Variants in LRRC4C observed in about 807,000 individuals in gnomAD.
LRRC4C encodes leucine rich repeat containing 4C, also known as leucine-rich repeat-containing protein 4C.
A neutral mutation model predicts 33.6 loss-of-function variants in LRRC4C; 5 were observed. That is an observed-to-expected ratio of 0.15 (90% CI 0.08 to 0.31). The LOEUF is 0.31. Ranked by LOEUF, LRRC4C falls within the 10% of genes least tolerant of loss-of-function variation. The pLI is 1.00. For synonymous variants in LRRC4C, 329 were observed against 302.0 expected, an observed-to-expected ratio of 1.09 and a Z score of -0.93; for missense variants, 560 against 796.7, an observed-to-expected ratio of 0.70 and a Z score of 3.58.
At chr11:41,454,806 A>AT (rs201473090) in intron 1 of LRRC4C, among the ~76,000 whole-genome samples, 1,590 of 152,126 alleles carry the variant, frequency 0.01, 23 homozygotes, top group African/African-American at 0.035. Context: ...TAGTTTTGGG[A>AT]TTTTTACCCC....
At chr11:41,242,688 T>C (rs879289231) in intron 1 of LRRC4C, among the ~76,000 whole-genome samples, 4 of 152,148 alleles carry the variant, frequency 2.6e-5, no homozygotes, top group African/African-American at 9.7e-5. Flanking sequence ...TATTGATATT[T>C]TTATTACTTC....
At chr11:41,063,061 A>G (rs1937914340) in intron 1 of LRRC4C, among the ~76,000 whole-genome samples, 2 of 152,214 alleles carry the variant, frequency 1.3e-5, no homozygotes, top group African/African-American at 2.4e-5. Flanking sequence ...CTAGGCAACT[A>G]ATATATAATG....
At chr11:40,142,641 AACTCT>A (rs1857449552) in intron 5 of LRRC4C, among the ~76,000 whole-genome samples, 1 of 152,120 alleles carries the variant, frequency 6.6e-6, no homozygotes, top group Non-Finnish European at 1.5e-5. Flanking sequence ...CCTCAGTGAT[AACTCT>A]ACTCAACATC....
intron 1 of LRRC4C, among the ~76,000 whole-genome samples, chr11:41,110,049 T>A (rs1380542179): frequency 6.6e-6 from 1 of 151,992 alleles, no homozygotes; most frequent in Non-Finnish European, 1.5e-5. Context: ...TTCCTGAGGT[T>A]TTTCCTCAAC....
chr11:40,484,236 A>G (rs974827789), intron 3 of LRRC4C, among the ~76,000 whole-genome samples: 1 of 152,106 alleles, frequency 6.6e-6, no homozygotes. Context: ...CCCCTCTACA[A>G]ATGTAAAATG....
chr11:40,602,161 C>CTCCA, intron 3 of LRRC4C, among the ~76,000 whole-genome samples: 1 of 143,842 alleles, frequency 7.0e-6, no homozygotes, highest in Middle Eastern at 3.9e-3. Context: ...TGCCACTGCA[C>CTCCA]TCCAGCCTGA....
At chr11:40,905,790 G>C (rs1326955924) in intron 2 of LRRC4C, among the ~76,000 whole-genome samples, 1 of 152,180 alleles carries the variant, frequency 6.6e-6, no homozygotes, top group African/African-American at 2.4e-5. Flanking sequence ...TCTTGAGATA[G>C]AATCTACTCC....
intron 3 of LRRC4C, among the ~76,000 whole-genome samples, chr11:40,387,874 T>C (rs1274651699): frequency 6.6e-6 from 1 of 152,200 alleles, no homozygotes; most frequent in African/African-American, 2.4e-5. Context: ...GCATTTTGTT[T>C]TTTAAAGGCT....
intron 1 of LRRC4C, among the ~76,000 whole-genome samples, chr11:41,085,733 A>T (rs1165555810): frequency 6.6e-6 from 1 of 152,076 alleles, no homozygotes; most frequent in East Asian, 1.9e-4. Context: ...GCAAAATATC[A>T]GTTCAAGAGA....
chr11:41,173,645 A>G (rs1945072823), intron 1 of LRRC4C, among the ~76,000 whole-genome samples: 1 of 152,074 alleles, frequency 6.6e-6, no homozygotes, highest in Admixed American at 6.6e-5. Flanking sequence ...TGCTTTCTCA[A>G]GACAGAATTC....
chr11:40,780,126 A>T (rs1022231852), intron 2 of LRRC4C, among the ~76,000 whole-genome samples: 2 of 152,148 alleles, frequency 1.3e-5, no homozygotes, highest in African/African-American at 4.8e-5. Context: ...TAAAATATTA[A>T]AAGATACACA....
rs552484002 is a variant in LRRC4C, at chr11:40,734,227, T to TG, written c.-406-85950dup. ...GAATTTACCTTAGAGTCTGAAGGGT[T>TG]GGGGAGTCTACAATTATTAAACCCC... On this transcript the variant is annotated intron_variant, in intron 2 of 6. Transcript: ENST00000528697. Among the ~76,000 whole-genome samples the TG allele has an allele frequency of 3.6e-3, 549 of 152,250 alleles. 4 individuals carry two copies. The highest frequency in any genetic ancestry group is 0.013 in the African/African-American group (527 of 41,546).
At chr11:40,907,072 TAG>T (rs1956456036) in intron 2 of LRRC4C, among the ~76,000 whole-genome samples, 1 of 152,180 alleles carries the variant, frequency 6.6e-6, no homozygotes, top group Admixed American at 6.5e-5. Context: ...CCAGCAAATA[TAG>T]AGATATGCAA....
At chr11:40,407,140 G>C (rs1476452125) in intron 3 of LRRC4C, among the ~76,000 whole-genome samples, 1 of 152,040 alleles carries the variant, frequency 6.6e-6, no homozygotes, top group Non-Finnish European at 1.5e-5. Context: ...AGATTCAAAA[G>C]ACATTTTCAT....
intron 4 of LRRC4C, among the ~76,000 whole-genome samples, chr11:40,285,191 C>A (rs1038256427): frequency 6.6e-6 from 1 of 152,090 alleles, no homozygotes; most frequent in African/African-American, 2.4e-5. Context: ...TCTCAAAAAA[C>A]CCCCAGCTTA....
intron 3 of LRRC4C, among the ~76,000 whole-genome samples, chr11:40,432,356 C>T (rs1247457622): frequency 1.3e-5 from 2 of 152,182 alleles, no homozygotes; most frequent in Admixed American, 1.3e-4. Context: ...GTACTGGTTA[C>T]TCACAGTATA....
At chr11:40,377,641 G>A (rs545741175) in intron 3 of LRRC4C, among the ~76,000 whole-genome samples, 23 of 152,168 alleles carry the variant, frequency 1.5e-4, no homozygotes, top group Admixed American at 9.2e-4. Context: ...GTAGCCTACA[G>A]ACTGGAATAT....
At chr11:41,142,153 C>T (rs541278934) in intron 1 of LRRC4C, among the ~76,000 whole-genome samples, 3 of 152,222 alleles carry the variant, frequency 2.0e-5, no homozygotes, top group Admixed American at 6.5e-5. Context: ...TATTAGCAGG[C>T]CTTACCTGCT....
At chr11:41,436,713 A>G (rs1955440737) in intron 1 of LRRC4C, among the ~76,000 whole-genome samples, 2 of 152,164 alleles carry the variant, frequency 1.3e-5, no homozygotes, top group East Asian at 3.9e-4. Flanking sequence ...AGGTTATACA[A>G]TGCCACTTCT....
Sources: allele counts gnomAD v4.1 joint callset (sites outside exome capture counted in the v4.1 genomes callset), GRCh38; gene constraint gnomAD v4.1.1; transcripts MANE v1.5; gene names NCBI Gene and HGNC (gene_info 2026-07-23, HGNC 2026-07-21).